Variants in CTNNA2 observed in about 807,000 individuals in gnomAD.
CTNNA2 encodes the protein catenin alpha-2.
Under a neutral mutation model 101.0 loss-of-function variants are expected in CTNNA2, and 42 were observed. That is an observed-to-expected ratio of 0.42 (90% confidence interval 0.32 to 0.54). CTNNA2 has a LOEUF of 0.54. Ranked by LOEUF, CTNNA2 falls within the 20% of genes least tolerant of loss-of-function variation. The pLI, the probability that CTNNA2 is intolerant of heterozygous loss-of-function variation, is 0.14. For missense variants in CTNNA2, 871 were observed against 1,223.1 expected, an observed-to-expected ratio of 0.71 and a Z score of 4.29; for synonymous variants, 450 against 456.4, an observed-to-expected ratio of 0.99 and a Z score of 0.18.
intron 7 of CTNNA2, among the ~76,000 whole-genome samples, chr2:79,943,218 G>C (rs1389143922): frequency 1.3e-5 from 2 of 152,062 alleles, no homozygotes; most frequent in Non-Finnish European, 2.9e-5. Flanking sequence ...CGGGGGTGGG[G>C]CAGGGGGAAG....
chr2:80,479,012 G>GT (rs140189180), intron 9 of CTNNA2, among the ~76,000 whole-genome samples: 48,925 of 147,722 alleles, frequency 0.33, 8,616 homozygotes, highest in East Asian at 0.68. Flanking sequence ...ATGAGCATGG[G>GT]TTTTTTTTTT....
intron 4 of CTNNA2, among the ~76,000 whole-genome samples, chr2:79,390,364 C>G (rs1471551860): frequency 1.3e-5 from 2 of 152,166 alleles, no homozygotes; most frequent in Non-Finnish European, 2.9e-5. Context: ...CATATGAATT[C>G]ACTTCAAACC....
chr2:80,440,507 C>T (rs181834752), intron 9 of CTNNA2, among the ~76,000 whole-genome samples: 1 of 152,302 alleles, frequency 6.6e-6, no homozygotes, highest in East Asian at 1.9e-4. Context: ...TGCCCATCTG[C>T]ATATTTGGGC....
intron 7 of CTNNA2, among the ~76,000 whole-genome samples, chr2:80,235,701 A>T (rs2149082758): frequency 6.6e-6 from 1 of 152,346 alleles, no homozygotes; most frequent in African/African-American, 2.4e-5. Flanking sequence ...GACACAGTCC[A>T]GTGAAGAATC....
chr2:80,545,383 CA>C (rs1415545621), intron 10 of CTNNA2, among the ~76,000 whole-genome samples: 1 of 151,492 alleles, frequency 6.6e-6, no homozygotes, highest in African/African-American at 2.4e-5. Context: ...TCCATCTCTA[CA>C]AAAAAATAAA....
intron 3 of CTNNA2, among the ~76,000 whole-genome samples, chr2:79,752,933 T>TA (rs1305798695): frequency 6.6e-6 from 1 of 152,162 alleles, no homozygotes; most frequent in Non-Finnish European, 1.5e-5. Flanking sequence ...TTTCTTTATC[T>TA]AGAAAGCAGG....
At chr2:80,642,515 G>A (rs1673604430) in intron 18 of CTNNA2, among the ~76,000 whole-genome samples, 1 of 152,190 alleles carries the variant, frequency 6.6e-6, no homozygotes, top group Non-Finnish European at 1.5e-5. Flanking sequence ...CTTGGATGAT[G>A]TGTAGATGGA....
chr2:79,568,858 C>CTAAA (rs1675285589), intron 1 of CTNNA2, among the ~76,000 whole-genome samples: 1 of 68,982 alleles, frequency 1.4e-5, no homozygotes, highest in African/African-American at 6.8e-5. Flanking sequence ...TCTGTTTCTA[C>CTAAA]AAAAAAAAAA....
intron 7 of CTNNA2, among the ~76,000 whole-genome samples, chr2:80,266,071 A>G (rs1035993945): frequency 1.3e-5 from 2 of 152,310 alleles, no homozygotes; most frequent in Non-Finnish European, 2.9e-5. Context: ...CATTTGAGAA[A>G]TTACAGCATT....
chr2:80,600,406 AAAG>A (rs1284726634), intron 15 of CTNNA2, among the ~76,000 whole-genome samples: 4 of 151,996 alleles, frequency 2.6e-5, no homozygotes, highest in African/African-American at 4.8e-5. Flanking sequence ...ACTGTAAAAA[AAAG>A]AAACCTAACA....
chr2:79,596,437 T>C (rs150074894), intron 1 of CTNNA2, among the ~76,000 whole-genome samples: 1 of 152,142 alleles, frequency 6.6e-6, no homozygotes, highest in African/African-American at 2.4e-5. Flanking sequence ...TGAAGAAATA[T>C]ACCTTGTGTA....
intron 7 of CTNNA2, among the ~76,000 whole-genome samples, chr2:79,969,376 T>C (rs1261689581): frequency 6.6e-6 from 1 of 152,214 alleles, no homozygotes; most frequent in African/African-American, 2.4e-5. Flanking sequence ...GCAAATTATA[T>C]GCATTTGTTC....
intron 1 of CTNNA2, among the ~76,000 whole-genome samples, chr2:79,530,678 A>C (rs1370383922): frequency 6.6e-6 from 1 of 152,192 alleles, no homozygotes; most frequent in Non-Finnish European, 1.5e-5. Flanking sequence ...GATCTTTGCC[A>C]GAGTAGCTTC....
At position 79,422,395 on chromosome 2, in the gene CTNNA2, G is replaced by A. The variant is rs1269248471; in HGVS notation, c.-135+48382G>A. On this transcript the variant is annotated intron_variant, in intron 4 of 21. Coordinates refer to the CTNNA2 transcript ENST00000466387. ...GTGAGCTACTCACACCTAGTGTGTAGAGCCCAGGCATGCTGCTAAACATCC... is the reference window on the plus strand; with the variant it reads ...GTGAGCTACTCACACCTAGTGTGTAAAGCCCAGGCATGCTGCTAAACATCC... Among the ~76,000 whole-genome samples the A allele has an allele frequency of 2.0e-5, 3 of 152,090 alleles. No homozygotes were observed. In the East Asian group the frequency reaches 5.8e-4, roughly 29 times the overall value.
At chr2:80,178,653 T>C (rs930537396) in intron 7 of CTNNA2, among the ~76,000 whole-genome samples, 2 of 152,162 alleles carry the variant, frequency 1.3e-5, no homozygotes, top group African/African-American at 4.8e-5. Flanking sequence ...GCCTTTCAGG[T>C]CACTCGAAAA....
intron 7 of CTNNA2, among the ~76,000 whole-genome samples, chr2:80,158,554 C>T (rs1455856905): frequency 6.6e-6 from 1 of 152,200 alleles, no homozygotes; most frequent in African/African-American, 2.4e-5. Context: ...CCAGCCTCAT[C>T]CCCTCCTTAA....
At chr2:80,137,145 G>A (rs947454318) in intron 7 of CTNNA2, among the ~76,000 whole-genome samples, 2 of 152,068 alleles carry the variant, frequency 1.3e-5, no homozygotes, top group Admixed American at 1.3e-4. Context: ...CAGCACACAG[G>A]GAGTTACATA....
At chr2:79,518,493 A>T (rs1193748878) in intron 1 of CTNNA2, among the ~76,000 whole-genome samples, 1 of 152,212 alleles carries the variant, frequency 6.6e-6, no homozygotes, top group Non-Finnish European at 1.5e-5. Flanking sequence ...AGTAGGTCCA[A>T]TATCTTTTTT....
chr2:80,410,113 G>C (rs570708972), intron 8 of CTNNA2, among the ~76,000 whole-genome samples: 1 of 152,282 alleles, frequency 6.6e-6, no homozygotes, highest in South Asian at 2.1e-4. Flanking sequence ...TTATCAAATG[G>C]TTGCAGATTT....
Sources: allele counts gnomAD v4.1 joint callset (sites outside exome capture counted in the v4.1 genomes callset), GRCh38; gene constraint gnomAD v4.1.1; transcripts MANE v1.5; gene names NCBI Gene and HGNC (gene_info 2026-07-23, HGNC 2026-07-21).